Variants in RORA observed in about 807,000 individuals in gnomAD.
RORA encodes RAR related orphan receptor A.
A neutral mutation model predicts 69.5 loss-of-function variants in RORA; 7 were observed. The observed-to-expected ratio is 0.10, with a 90% confidence interval of 0.06 to 0.19. The LOEUF is 0.19. RORA is among the 10% of genes least tolerant of loss of function. The pLI, the probability that RORA is intolerant of heterozygous loss-of-function variation, is 1.00. For synonymous variants in RORA, 261 were observed against 240.8 expected (o/e 1.08, Z -0.78); for missense variants, 457 against 663.0 (o/e 0.69, Z 3.41).
At chr15:60,573,752 T>A (rs1359759425) in intron 2 of RORA, among the ~76,000 whole-genome samples, 1 of 152,206 alleles carries the variant, frequency 6.6e-6, no homozygotes, top group Non-Finnish European at 1.5e-5. Flanking sequence ...CTTCACTTCT[T>A]CCAAAAAGCT....
intron 1 of RORA, among the ~76,000 whole-genome samples, chr15:60,833,184 A>G (rs1008993927): frequency 8.0e-5 from 12 of 149,162 alleles, no homozygotes; most frequent in South Asian, 2.1e-4. Flanking sequence ...GATTACAGGC[A>G]TGACCACCAT....
intron 1 of RORA, among the ~76,000 whole-genome samples, chr15:60,830,134 T>C (rs1441495941): frequency 6.6e-6 from 1 of 152,232 alleles, no homozygotes; most frequent in Non-Finnish European, 1.5e-5. Context: ...CCTTCACCCA[T>C]TTTTTAAATA....
intron 1 of RORA, among the ~76,000 whole-genome samples, chr15:60,973,147 G>A (rs969269335): frequency 1.3e-5 from 2 of 152,162 alleles, no homozygotes; most frequent in African/African-American, 4.8e-5. Context: ...GGTGTGTGGA[G>A]ACGTTGAAAA....
At chr15:61,081,918 AATT>A (rs2078548070) in intron 1 of RORA, among the ~76,000 whole-genome samples, 1 of 152,212 alleles carries the variant, frequency 6.6e-6, no homozygotes, top group Admixed American at 6.5e-5. Context: ...AATTAGTAAA[AATT>A]AGCCCTGGGA....
At chr15:61,014,082 C>T (rs1173119065) in intron 1 of RORA, among the ~76,000 whole-genome samples, 2 of 151,890 alleles carry the variant, frequency 1.3e-5, no homozygotes, top group East Asian at 1.9e-4. Flanking sequence ...CGCACCCGGC[C>T]GGGTTGGCTT....
At chr15:60,526,284 T>G (rs904679429) in intron 3 of RORA, among the ~76,000 whole-genome samples, 5 of 152,168 alleles carry the variant, frequency 3.3e-5, no homozygotes, top group African/African-American at 1.2e-4. Context: ...TGTCGATATC[T>G]GCTTTTGACT....
At chr15:60,545,438 A>G (rs919403496) in intron 2 of RORA, among the ~76,000 whole-genome samples, 2 of 152,166 alleles carry the variant, frequency 1.3e-5, no homozygotes, top group African/African-American at 4.8e-5. Context: ...TAATATTTCT[A>G]TTGAAGCCAG....
chr15:60,521,246 C>CT (rs1393707401), intron 3 of RORA, among the ~76,000 whole-genome samples: 3 of 128,458 alleles, frequency 2.3e-5, no homozygotes, highest in African/African-American at 1.1e-4. Context: ...AAAAAATTGT[C>CT]ATTTTTTTTT....
intron 1 of RORA, among the ~76,000 whole-genome samples, chr15:60,738,707 G>C (rs543087462): frequency 6.6e-6 from 1 of 152,204 alleles, no homozygotes; most frequent in African/African-American, 2.4e-5. Flanking sequence ...GCCTGTGGTC[G>C]TTTCCTACGA....
At chr15:61,099,708 T>C (rs1489483776) in intron 1 of RORA, among the ~76,000 whole-genome samples, 1 of 152,244 alleles carries the variant, frequency 6.6e-6, no homozygotes, top group African/African-American at 2.4e-5. Context: ...GTTGGATTCA[T>C]TCCATTTTTA....
intron 1 of RORA, among the ~76,000 whole-genome samples, chr15:61,119,775 T>A (rs1456514936): frequency 1.3e-5 from 2 of 152,164 alleles, no homozygotes; most frequent in Non-Finnish European, 2.9e-5. Flanking sequence ...AGTTGACTCA[T>A]TTATTTTATG....
At chr15:61,006,860 G>T (rs1894927092) in intron 1 of RORA, among the ~76,000 whole-genome samples, 1 of 151,854 alleles carries the variant, frequency 6.6e-6, no homozygotes, top group Non-Finnish European at 1.5e-5. Context: ...CTATTACAGG[G>T]GTTTTCAAAC....
chr15:61,071,225 AGGGAAGGG>A (rs2078338793), intron 1 of RORA, among the ~76,000 whole-genome samples: 1 of 28,362 alleles, frequency 3.5e-5, no homozygotes, highest in Non-Finnish European at 6.3e-5. Context: ...GGGGAGGGGA[AGGGAAGGG>A]AGGGGAGGGG....
intron 1 of RORA, among the ~76,000 whole-genome samples, chr15:60,874,845 A>G (rs2073596189): frequency 6.6e-6 from 1 of 152,150 alleles, no homozygotes; most frequent in Non-Finnish European, 1.5e-5. Flanking sequence ...ACTATAGGTG[A>G]TTTGGGGCAA....
In RORA at chr15:61,227,000, C is replaced by G. The variant is rs1467741008; in HGVS notation, c.166+2053G>C. On this transcript the variant is annotated intron_variant, in intron 1 of 10. Transcript: ENST00000335670. The surrounding 1 kb of genome is among the most constrained non-coding windows in gnomAD (Gnocchi z 4.2). The stretch of plus-strand genomic sequence containing the variant: ...AGGGGGCTGGTGGCACTGAATGCTC[C>G]GGCGTTACATAATTTGCAAGAACAG... Among the ~76,000 whole-genome samples, 1 of 152,038 alleles carries G rather than the reference C, an allele frequency of 6.6e-6. No individual in the cohort carries two copies. Among genetic ancestry groups the G allele is most frequent in the Non-Finnish European group, 1.5e-5 (1 of 68,020 alleles).
intron 1 of RORA, among the ~76,000 whole-genome samples, chr15:61,080,412 C>G (rs915991066): frequency 3.3e-5 from 5 of 152,194 alleles, no homozygotes; most frequent in Admixed American, 3.3e-4. Flanking sequence ...CATGTGTCAG[C>G]ACTATGTCCC....
At chr15:61,048,753 A>C (rs943537222) in intron 1 of RORA, among the ~76,000 whole-genome samples, 1 of 152,098 alleles carries the variant, frequency 6.6e-6, no homozygotes, top group African/African-American at 2.4e-5. Context: ...GGGTGGTTTT[A>C]AGTAGGGGCT....
intron 1 of RORA, among the ~76,000 whole-genome samples, chr15:61,134,960 C>T (rs2079222816): frequency 6.6e-6 from 1 of 151,936 alleles, no homozygotes; most frequent in African/African-American, 2.4e-5. Context: ...ACTTCCATGC[C>T]ACTATCCTGA....
chr15:61,150,181 C>T (rs1397081811), intron 1 of RORA, among the ~76,000 whole-genome samples: 2 of 152,162 alleles, frequency 1.3e-5, no homozygotes, highest in Non-Finnish European at 2.9e-5. Flanking sequence ...AACAATAAGC[C>T]ACACATGACA....
Sources: allele counts gnomAD v4.1 joint callset (sites outside exome capture counted in the v4.1 genomes callset), GRCh38; gene constraint gnomAD v4.1.1; non-coding constraint Gnocchi (gnomAD v3.1); transcripts MANE v1.5; gene names NCBI Gene and HGNC (gene_info 2026-07-23, HGNC 2026-07-21).